The following FBXO38 variants were observed in gnomAD, a reference collection of about 807,000 sequenced individuals.
FBXO38 encodes F-box only protein 38.
Under a neutral mutation model 131.9 loss-of-function variants are expected in FBXO38, and 53 were observed. That is an observed-to-expected ratio of 0.40 (90% CI 0.32 to 0.51). The LOEUF is 0.51. FBXO38 is among the 20% of genes least tolerant of loss of function. The probability of loss-of-function intolerance (pLI) is 0.53; values close to 1 mark genes in which losing one functional copy is unlikely to be tolerated. For missense variants in FBXO38, 1,076 were observed against 1,475.6 expected, an observed-to-expected ratio of 0.73 and a Z score of 4.44; for synonymous variants, 452 against 505.6, an observed-to-expected ratio of 0.89 and a Z score of 1.42.
intron 1 of FBXO38, among the ~76,000 whole-genome samples, chr5:148,393,103 C>G (rs960761865): frequency 5.9e-5 from 9 of 151,786 alleles, no homozygotes; most frequent in African/African-American, 1.7e-4. Context: ...GTCACAAATT[C>G]AGGGTAGCAT....
intron 2 of FBXO38, 68 bp from the exon 3 acceptor site, chr5:148,398,931 A>G (rs926850592): frequency 1.9e-6 from 3 of 1,569,180 alleles, no homozygotes; most frequent in African/African-American, 2.7e-5. Flanking sequence ...GAAGGAAAAA[A>G]AAATAACTTA....
At chr5:148,411,155 G>A (rs1412586438) in intron 9 of FBXO38, among the ~76,000 whole-genome samples, 2 of 152,020 alleles carry the variant, frequency 1.3e-5, no homozygotes, top group African/African-American at 2.4e-5. Context: ...CTCAGATGAG[G>A]TCCCATTCCC....
At chr5:148,413,652 T>C (rs1261241432) in intron 9 of FBXO38, 1 of 152,448 alleles carries the variant, frequency 6.6e-6, no homozygotes, top group Admixed American at 6.5e-5. Flanking sequence ...AGGGTATAGA[T>C]AGATGTTACT....
At chr5:148,415,613 C>A (rs1437850984) in intron 10 of FBXO38, among the ~76,000 whole-genome samples, 1 of 152,024 alleles carries the variant, frequency 6.6e-6, no homozygotes. Context: ...ACATAATGTT[C>A]TATTAAATAA....
chr5:148,442,581 TTTG>T lies in FBXO38; in HGVS notation c.*440_*442del, dbSNP rs796587347. The T allele has an allele frequency of 1.3e-5, 2 of 153,604 alleles. No homozygotes were observed. The highest frequency in any genetic ancestry group is 2.4e-5 in the African/African-American group (1 of 41,594). The allele number at this position is 153,604 out of a possible 1,614,324, so 9.5% of individuals were successfully genotyped here. ...AGAGTGTTTGTGTCTTTTGTGCTTT[TTTG>T]TTGTTATTAAAACACCAACTAAACC... On this transcript the variant is annotated 3_prime_UTR_variant, in exon 22 of 22. Transcript: ENST00000340253.
chr5:148,425,848 T>C, intron 14 of FBXO38, 147 bp downstream of exon 14: 1 of 670,056 alleles, frequency 1.5e-6, no homozygotes, highest in Non-Finnish European at 2.6e-6. Flanking sequence ...GTAAGGGAAA[T>C]CTGGGTGGTG....
At position 148,427,467 on chromosome 5, in the gene FBXO38, C is replaced by T; in HGVS notation, c.2173C>T (p.Pro725Ser). 6.2e-7 allele frequency: 1 copy of T among 1,614,212 alleles called. No homozygotes were observed. Among genetic ancestry groups the T allele is most frequent in the African/African-American group, 1.3e-5 (1 of 75,064 alleles). The change falls in exon 15 of 22, where the codon CCC becomes TCC. Residue 725 changes from proline to serine, a missense_variant. Physicochemically the swap from Pro to Ser is moderately conservative, Grantham distance 74. Transcript: ENST00000340253. ...SSSHNTASQS[P>S]DFVRTVNSGG... is the part of the protein sequence containing the mutation. ...CTCACACAACACTGCTTCTCAAAGC[C>T]CCGACTTTGTAAGGACGGTGAACAG... is the stretch of plus-strand genomic sequence containing the variant.
chr5:148,442,675 C>T lies in FBXO38; in HGVS notation c.*528C>T, dbSNP rs1754760279. On this transcript the variant is annotated 3_prime_UTR_variant, in exon 22 of 22. Coordinates refer to ENST00000340253, the MANE Select transcript of FBXO38 (RefSeq NM_205836.3). ...TAGTTCTTTCTTAGTATTATAGTTGCCATGTTTCTTAAAATCAAGTAAAAA... is the reference window on the plus strand; with the variant it reads ...TAGTTCTTTCTTAGTATTATAGTTGTCATGTTTCTTAAAATCAAGTAAAAA... 6.6e-6 allele frequency: 1 copy of T among 151,846 alleles called. No homozygotes were observed. The highest frequency in any genetic ancestry group is 2.4e-5 in the African/African-American group (1 of 41,338). The allele number at this position is 151,846 out of a possible 1,614,324, so 9.4% of individuals were successfully genotyped here.
At chr5:148,402,685 G>T in intron 5 of FBXO38, 172 bp downstream of exon 5, 2 of 516,010 alleles carry the variant, frequency 3.9e-6, no homozygotes, top group Non-Finnish European at 6.7e-6. Flanking sequence ...AAGATCCACT[G>T]GTGTGAGGGA....
chr5:148,430,735 A>G (rs1213570579), intron 15 of FBXO38: 1 of 152,196 alleles, frequency 6.6e-6, no homozygotes, highest in African/African-American at 2.4e-5. Context: ...AAAAAATGTA[A>G]CGTTTGAGTT....
intron 15 of FBXO38, among the ~76,000 whole-genome samples, chr5:148,432,625 G>A (rs80266953): frequency 2.9e-4 from 44 of 152,282 alleles, no homozygotes; most frequent in East Asian, 2.1e-3. Flanking sequence ...CACAGTAAGC[G>A]CTCAGTAAAT....
intron 13 of FBXO38, 100 bp from the exon 14 acceptor site, chr5:148,425,422 A>G (rs1753655127): frequency 1.1e-6 from 1 of 918,014 alleles, no homozygotes; most frequent in Non-Finnish European, 1.7e-6. Context: ...GTATAGAGCC[A>G]CAAAGCATCT....
chr5:148,405,562 T>C (rs967273510), intron 6 of FBXO38, among the ~76,000 whole-genome samples: 2 of 152,176 alleles, frequency 1.3e-5, no homozygotes, highest in Admixed American at 6.5e-5. Flanking sequence ...TTCCAAGATA[T>C]ATCTTCTTTT....
At chr5:148,398,347 A>G (rs1751925474) in intron 2 of FBXO38, among the ~76,000 whole-genome samples, 1 of 152,148 alleles carries the variant, frequency 6.6e-6, no homozygotes, top group South Asian at 2.1e-4. Context: ...GGAAAAGATA[A>G]TAAAGAAGAA....
At chr5:148,390,586 G>A (rs1173359025) in intron 1 of FBXO38, among the ~76,000 whole-genome samples, 1 of 152,186 alleles carries the variant, frequency 6.6e-6, no homozygotes, top group African/African-American at 2.4e-5. Flanking sequence ...TTGCTAGTTA[G>A]TGTTAAAGGA....
At chr5:148,406,753 C>CA (rs913163079) in intron 7 of FBXO38, among the ~76,000 whole-genome samples, 4 of 151,296 alleles carry the variant, frequency 2.6e-5, no homozygotes, top group African/African-American at 9.7e-5. Flanking sequence ...CCGAGGCTTC[C>CA]AAAAAAAATT....
chr5:148,438,433 C>T lies in FBXO38; in HGVS notation c.2959C>T (p.Leu987=), dbSNP rs1389462512. The change falls in exon 18 of 22, where the codon CTA becomes TTA. Residue 987 remains leucine (L), a synonymous_variant. Transcript: ENST00000340253. ...CAAGAAACTGAACATGGATCAGGTA[C>T]TAGACCAGATACTAAGAATGCCACC... is the stretch of plus-strand genomic sequence containing the variant. ...QCKKLNMDQV[L]DQILRMPPER... 5 of 1,613,900 alleles carry T rather than the reference C, an allele frequency of 3.1e-6. No homozygotes were observed. Among genetic ancestry groups the T allele is most frequent in the Non-Finnish European group, 4.2e-6 (5 of 1,179,792 alleles).
chr5:148,420,126 G>A (rs1002338300), intron 12 of FBXO38, among the ~76,000 whole-genome samples: 3 of 146,026 alleles, frequency 2.1e-5, no homozygotes, highest in Non-Finnish European at 4.5e-5. Context: ...TTTTTTGTGG[G>A]GTTTTTTTTT....
chr5:148,388,660 CCT>C (rs1214817424), intron 1 of FBXO38, among the ~76,000 whole-genome samples: 5 of 152,324 alleles, frequency 3.3e-5, no homozygotes, highest in African/African-American at 1.2e-4. Flanking sequence ...AACTTCCTCA[CCT>C]CTCTCGGCCT....
Sources: allele counts gnomAD v4.1 joint callset (sites outside exome capture counted in the v4.1 genomes callset), GRCh38; gene constraint gnomAD v4.1.1; transcripts MANE v1.5; gene names NCBI Gene and HGNC (gene_info 2026-07-23, HGNC 2026-07-21).